ST7: variants seen among roughly 807,000 people sequenced by gnomAD.
The protein encoded by ST7 is suppressor of tumorigenicity 7 protein.
In ST7, 28 loss-of-function variants were observed where a neutral mutation model predicts 78.7. The ratio of observed to expected loss-of-function variants is 0.36; its 90% confidence interval spans 0.26 to 0.49. The LOEUF is 0.49. ST7 is among the 20% of genes least tolerant of loss of function. ST7 has a pLI of 0.99. For missense variants in ST7, 418 were observed against 696.0 expected, an observed-to-expected ratio of 0.60 and a Z score of 4.49; for synonymous variants, 247 against 249.6, an observed-to-expected ratio of 0.99 and a Z score of 0.10.
intron 1 of ST7, among the ~76,000 whole-genome samples, chr7:117,029,492 T>C (rs1796366444): frequency 1.3e-5 from 2 of 152,182 alleles, no homozygotes; most frequent in African/African-American, 2.4e-5. Context: ...TACAAATCTT[T>C]TGTCAGGTGT....
chr7:117,062,246 G>T (rs760723382), intron 1 of ST7, among the ~76,000 whole-genome samples: 3 of 152,084 alleles, frequency 2.0e-5, no homozygotes, highest in African/African-American at 4.8e-5. Flanking sequence ...CCTCCCAAAG[G>T]CCCCATCTCC....
intron 1 of ST7, among the ~76,000 whole-genome samples, chr7:117,057,207 T>C (rs1413798229): frequency 6.6e-6 from 1 of 152,226 alleles, no homozygotes; most frequent in African/African-American, 2.4e-5. Context: ...CATTACCTAA[T>C]TTATGTCATT....
chr7:116,974,236 CT>C (rs2116276874), intron 1 of ST7, among the ~76,000 whole-genome samples: 1 of 151,690 alleles, frequency 6.6e-6, no homozygotes, highest in South Asian at 2.1e-4. Context: ...TCCATTTTGT[CT>C]ATAAAACCAA....
intron 13 of ST7, among the ~76,000 whole-genome samples, chr7:117,218,224 G>A (rs543947763): frequency 6.6e-6 from 1 of 152,202 alleles, no homozygotes; most frequent in Non-Finnish European, 1.5e-5. Context: ...TCCCAGAGTA[G>A]GGTAGAGCTT....
At chr7:117,091,939 A>G (rs895657594) in intron 1 of ST7, among the ~76,000 whole-genome samples, 3 of 152,134 alleles carry the variant, frequency 2.0e-5, no homozygotes, top group Non-Finnish European at 4.4e-5. Flanking sequence ...GGCAGTAATC[A>G]TTGCTGTAGC....
intron 3 of ST7, among the ~76,000 whole-genome samples, chr7:117,123,960 C>G (rs62469365): frequency 6.6e-6 from 1 of 152,066 alleles, no homozygotes; most frequent in African/African-American, 2.4e-5. Context: ...CTTCCTGTCA[C>G]GAATCATCTC....
intron 2 of ST7, among the ~76,000 whole-genome samples, chr7:117,106,924 G>T (rs1024166510): frequency 5.3e-5 from 8 of 150,756 alleles, no homozygotes; most frequent in African/African-American, 2.0e-4. Flanking sequence ...CTGGCCCATT[G>T]TATCATTCTT....
intron 1 of ST7, among the ~76,000 whole-genome samples, chr7:116,977,361 C>T (rs186203598): frequency 5.1e-4 from 78 of 152,184 alleles, no homozygotes; most frequent in African/African-American, 1.8e-3. Context: ...GTATGTTTCT[C>T]TGGGAAGAAT....
chr7:117,129,723 T>C, intron 3 of ST7, 70 bp from the exon 4 acceptor site: 1 of 1,199,634 alleles, frequency 8.3e-7, no homozygotes, highest in African/African-American at 1.5e-5. Context: ...GAAGGGTGTT[T>C]TGCTGAATTA....
intron 10 of ST7, among the ~76,000 whole-genome samples, chr7:117,181,371 A>G (rs1377435066): frequency 6.6e-6 from 1 of 152,186 alleles, no homozygotes; most frequent in Non-Finnish European, 1.5e-5. Flanking sequence ...CACTAACATT[A>G]TGGGATAGTG....
intron 1 of ST7, among the ~76,000 whole-genome samples, chr7:117,061,470 A>T (rs1375418665): frequency 1.3e-5 from 2 of 152,182 alleles, no homozygotes; most frequent in Non-Finnish European, 2.9e-5. Flanking sequence ...TTTACAAGTA[A>T]TTTGATGCAA....
rs141578372 is a variant in ST7, at chr7:117,173,225, C to T, written c.1078+2249C>T. 2.9e-3 allele frequency among the ~76,000 whole-genome samples: 443 copies of T among 152,284 alleles called. 2 individuals carry two copies. The highest frequency in any genetic ancestry group is 8.2e-3 in the African/African-American group (342 of 41,548). On this transcript the variant is annotated intron_variant, in intron 10 of 15. Transcript: ENST00000323984. ...TTCATTATTCATGGAAAAAGAGCCT[C>T]ATTAGTGGCAGGACACATATTGTTG...
At chr7:116,979,505 ATC>A (rs1463552467) in intron 1 of ST7, among the ~76,000 whole-genome samples, 1 of 152,172 alleles carries the variant, frequency 6.6e-6, no homozygotes, top group African/African-American at 2.4e-5. Context: ...TACTAGCTCT[ATC>A]TCTTCCTTTT....
At position 117,162,037 on chromosome 7, in the gene ST7, G is replaced by A. The variant is rs74918757; in HGVS notation, c.964-8825G>A. Among the ~76,000 whole-genome samples, 550 of 152,244 alleles carry A rather than the reference G, an allele frequency of 3.6e-3. 14 individuals are homozygous for A. The East Asian group carries it at 0.05, about 14-fold the overall frequency. Reference sequence around the variant, plus strand: ...TGTACTTATTCGCTGAAAACTACTTGATTTTGGTGACTTGTATATGCAGTT... The same window carrying A: ...TGTACTTATTCGCTGAAAACTACTTAATTTTGGTGACTTGTATATGCAGTT... On this transcript the variant is annotated intron_variant, in intron 9 of 15. Transcript: ENST00000323984.
chr7:117,026,445 A>C (rs1265696070), intron 1 of ST7, among the ~76,000 whole-genome samples: 1 of 152,218 alleles, frequency 6.6e-6, no homozygotes, highest in Non-Finnish European at 1.5e-5. Flanking sequence ...CACAAATGCT[A>C]TATTATTTAA....
intron 9 of ST7, among the ~76,000 whole-genome samples, chr7:117,139,783 G>C (rs1336203610): frequency 6.6e-6 from 1 of 152,180 alleles, no homozygotes; most frequent in African/African-American, 2.4e-5. Flanking sequence ...ATGTTATATG[G>C]TATAAGTGCT....
intron 1 of ST7, among the ~76,000 whole-genome samples, chr7:117,060,664 A>ATT (rs565878178): frequency 1.3e-5 from 2 of 152,126 alleles, no homozygotes; most frequent in Admixed American, 1.3e-4. Flanking sequence ...ATATATATCA[A>ATT]TTTTTTTCTC....
At chr7:117,074,418 A>G (rs1239281014) in intron 1 of ST7, among the ~76,000 whole-genome samples, 1 of 152,154 alleles carries the variant, frequency 6.6e-6, no homozygotes, top group Non-Finnish European at 1.5e-5. Flanking sequence ...ACAAGCTACT[A>G]TCTTGTTTAG....
chr7:116,992,622 A>G (rs1248292554), intron 1 of ST7, among the ~76,000 whole-genome samples: 1 of 152,242 alleles, frequency 6.6e-6, no homozygotes, highest in Non-Finnish European at 1.5e-5. Flanking sequence ...AAGGTCTCTG[A>G]CATACCCTGG....
Sources: gnomAD v4.1 joint callset for allele counts (sites outside exome capture counted in the v4.1 genomes callset) on GRCh38, gnomAD v4.1.1 for gene constraint, MANE v1.5 for transcripts, NCBI Gene and HGNC (gene_info 2026-07-23, HGNC 2026-07-21) for gene names.